Variants in KDM5A observed in about 807,000 individuals in gnomAD.
KDM5A encodes lysine demethylase 5A, also known as lysine-specific demethylase 5A.
A neutral mutation model predicts 193.5 loss-of-function variants in KDM5A; 42 were observed. The ratio of observed to expected loss-of-function variants is 0.22; its 90% confidence interval spans 0.17 to 0.28. KDM5A has a LOEUF of 0.28. KDM5A is among the 10% of genes least tolerant of loss of function. KDM5A has a pLI of 1.00. For synonymous variants in KDM5A, 796 were observed against 718.1 expected (o/e 1.11, Z -1.73); for missense variants, 1,692 against 2,055.1 (o/e 0.82, Z 3.42).
At position 364,987 on chromosome 12, in the gene KDM5A, T is replaced by G. The variant is rs148402518; in HGVS notation, c.537+947A>C. On this transcript the variant is annotated intron_variant, in intron 4 of 27. Transcript: ENST00000399788. Reference sequence around the variant, plus strand: ...AACTGGTAAATGGATAAACAAAATGTGGTATATCCATTCAATGGAATATTA... The same window carrying G: ...AACTGGTAAATGGATAAACAAAATGGGGTATATCCATTCAATGGAATATTA... Among the ~76,000 whole-genome samples the G allele has an allele frequency of 3.0e-3, 450 of 152,110 alleles. 1 individual carries two copies. Among genetic ancestry groups the G allele is most frequent in the African/African-American group, 0.01 (429 of 41,488 alleles).
rs1488789373 is a variant in KDM5A, at chr12:361,647, A to G, written c.672+1316T>C. Among the ~76,000 whole-genome samples the G allele has an allele frequency of 1.3e-5, 2 of 152,242 alleles. 1 individual carries two copies. Among genetic ancestry groups the G allele is most frequent in the African/African-American group, 4.8e-5 (2 of 41,472 alleles). On this transcript the variant is annotated intron_variant, in intron 5 of 27. Transcript: ENST00000399788. ...GGCAACTCTTCAAAGCAGAATCACC[A>G]TGTCAAAGGGACTAGCAATCAGTGT...
chr12:300,647 A>G (rs1204502449), intron 24 of KDM5A, among the ~76,000 whole-genome samples: 6 of 152,212 alleles, frequency 3.9e-5, no homozygotes, highest in Non-Finnish European at 1.5e-5. Context: ...AAACAAATTC[A>G]AAAGCTAGCA....
chr12:336,393 A>G (rs1007691652), intron 10 of KDM5A, among the ~76,000 whole-genome samples: 22 of 151,996 alleles, frequency 1.4e-4, no homozygotes, highest in Non-Finnish European at 2.6e-4. Context: ...AGAGGATGGA[A>G]TAACAAAGTC....
intron 25 of KDM5A, 56 bp downstream of exon 25, chr12:296,985 C>T (rs527281571): frequency 5.3e-5 from 83 of 1,557,688 alleles, no homozygotes; most frequent in Non-Finnish European, 7.0e-5. Flanking sequence ...TAACATAATG[C>T]TTTTTCTCAT....
intron 27 of KDM5A, chr12:286,275 C>A: frequency 2.2e-6 from 1 of 458,686 alleles, no homozygotes; most frequent in South Asian, 1.6e-5. Context: ...GTCAAAGACA[C>A]AGGTCAATAG....
intron 24 of KDM5A, among the ~76,000 whole-genome samples, chr12:304,263 G>A (rs953441750): frequency 1.5e-4 from 23 of 152,046 alleles, no homozygotes; most frequent in African/African-American, 5.6e-4. Context: ...CCTAAACCAA[G>A]AGGGGGCTCT....
At chr12:342,787 A>AC (rs2137437011) in intron 10 of KDM5A, among the ~76,000 whole-genome samples, 1 of 152,026 alleles carries the variant, frequency 6.6e-6, no homozygotes, top group Non-Finnish European at 1.5e-5. Flanking sequence ...AAAAAAAAAA[A>AC]AAAAAACCTG....
intron 3 of KDM5A, among the ~76,000 whole-genome samples, chr12:377,719 T>C (rs921956074): frequency 6.6e-6 from 1 of 152,090 alleles, no homozygotes; most frequent in African/African-American, 2.4e-5. Flanking sequence ...GCAGAAGAAA[T>C]GTTTCACCAA....
At chr12:287,103 A>G (rs1424292864) in intron 27 of KDM5A, among the ~76,000 whole-genome samples, 3 of 152,154 alleles carry the variant, frequency 2.0e-5, no homozygotes, top group African/African-American at 4.8e-5. Flanking sequence ...TCATGGTCTC[A>G]TGGCTCTACT....
intron 27 of KDM5A, among the ~76,000 whole-genome samples, chr12:290,524 T>C (rs1339069067): frequency 1.3e-5 from 2 of 152,172 alleles, no homozygotes; most frequent in African/African-American, 4.8e-5. Flanking sequence ...AGATTTTGTT[T>C]AAAGATTTTG....
intron 5 of KDM5A, among the ~76,000 whole-genome samples, chr12:358,493 C>T (rs1325552480): frequency 6.6e-6 from 1 of 152,104 alleles, no homozygotes; most frequent in Non-Finnish European, 1.5e-5. Context: ...AACAATAAAG[C>T]TGATATATGT....
intron 1 of KDM5A, chr12:387,192 A>G (rs898608654): frequency 8.7e-6 from 3 of 345,452 alleles, no homozygotes; most frequent in Non-Finnish European, 1.6e-5. Flanking sequence ...AAATAACAGA[A>G]TAACAGTAAA....
At chr12:364,984 ATG>A (rs2137469843) in intron 4 of KDM5A, among the ~76,000 whole-genome samples, 1 of 152,216 alleles carries the variant, frequency 6.6e-6, no homozygotes, top group Non-Finnish European at 1.5e-5. Context: ...GATAAACAAA[ATG>A]TGGTATATCC....
At chr12:313,356 A>G (rs566930571) in intron 19 of KDM5A, among the ~76,000 whole-genome samples, 162 bp from the exon 20 acceptor site, 15 of 152,362 alleles carry the variant, frequency 9.8e-5, no homozygotes, top group African/African-American at 3.4e-4. Flanking sequence ...CATCTTACAG[A>G]TAAGAAAACT....
At chr12:380,663 C>T in intron 3 of KDM5A, among the ~76,000 whole-genome samples, 1 of 151,748 alleles carries the variant, frequency 6.6e-6, no homozygotes, top group Non-Finnish European at 1.5e-5. Flanking sequence ...ATGGAGGTAG[C>T]AGTGAGCCAA....
chr12:323,517 A>G (rs2137411314), intron 15 of KDM5A, 83 bp downstream of exon 15: 1 of 1,331,960 alleles, frequency 7.5e-7, no homozygotes, highest in Non-Finnish European at 1.1e-6. Flanking sequence ...GTAAAGGAGT[A>G]AAGTAAGGGA....
rs1431592271 is a variant in KDM5A, at chr12:283,270, C to CG, written c.*2185_*2186insC. 11 of 231,786 alleles carry CG rather than the reference C, an allele frequency of 4.7e-5. No individual in the cohort carries two copies. The highest frequency in any genetic ancestry group is 9.4e-5 in the Non-Finnish European group (11 of 116,946). The allele number at this position is 231,786 out of a possible 1,614,324, so 14.4% of individuals were successfully genotyped here. On this transcript the variant is annotated 3_prime_UTR_variant, in exon 28 of 28. Transcript: ENST00000399788. ...AAAAATATTGTGCTTTCTTGTATAA[C>CG]ATCAACCAGAGGAAATTCTTAATTG...
At chr12:339,046 T>C (rs186736418) in intron 10 of KDM5A, among the ~76,000 whole-genome samples, 210 of 151,928 alleles carry the variant, frequency 1.4e-3, no homozygotes, top group Non-Finnish European at 2.5e-3. Context: ...GGCGTGGTGG[T>C]GCGTGCCTGT....
chr12:370,209 A>G (rs1944408926), intron 3 of KDM5A, among the ~76,000 whole-genome samples: 1 of 152,156 alleles, frequency 6.6e-6, no homozygotes, highest in East Asian at 1.9e-4. Flanking sequence ...CCTGGCCAAC[A>G]TGGTGAAACC....
Sources: gnomAD v4.1 joint callset for allele counts (sites outside exome capture counted in the v4.1 genomes callset) on GRCh38, gnomAD v4.1.1 for gene constraint, MANE v1.5 for transcripts, NCBI Gene and HGNC (gene_info 2026-07-23, HGNC 2026-07-21) for gene names.